RNGTT: variants seen among roughly 807,000 people sequenced by gnomAD.
RNGTT encodes RNA guanylyltransferase and 5'-phosphatase.
In RNGTT, 33 loss-of-function variants were observed where a neutral mutation model predicts 79.3. The observed-to-expected ratio is 0.42, with a 90% CI of 0.32 to 0.56. The LOEUF (loss-of-function observed/expected upper bound fraction) is 0.56, where lower values mean the gene tolerates loss of function less well. Ranked by LOEUF, RNGTT falls within the 20% of genes least tolerant of loss-of-function variation. The pLI is 0.17. For missense variants in RNGTT, 497 were observed against 739.1 expected, an observed-to-expected ratio of 0.67 and a Z score of 3.80; for synonymous variants, 222 against 235.9, an observed-to-expected ratio of 0.94 and a Z score of 0.54.
At chr6:88,853,828 A>G (rs1028915879) in intron 8 of RNGTT, 64 bp from the exon 9 acceptor site, 1 of 993,454 alleles carries the variant, frequency 1.0e-6, no homozygotes, top group African/African-American at 1.7e-5. Context: ...GTCATGAGAA[A>G]TAACATACTG....
At chr6:88,928,607 A>AAAATGAACTAC (rs1026874350) in intron 4 of RNGTT, among the ~76,000 whole-genome samples, 2 of 152,224 alleles carry the variant, frequency 1.3e-5, no homozygotes, top group African/African-American at 4.8e-5. Flanking sequence ...TATAGAAGCA[A>AAAATGAACTAC]AAATGAACTA....
At chr6:88,822,743 G>T (rs1411465082) in intron 11 of RNGTT, among the ~76,000 whole-genome samples, 1 of 152,118 alleles carries the variant, frequency 6.6e-6, no homozygotes, top group South Asian at 2.1e-4. Context: ...TAAAAAGAGT[G>T]AACATTGATA....
intron 13 of RNGTT, among the ~76,000 whole-genome samples, chr6:88,705,161 ATC>A (rs1776088542): frequency 1.3e-5 from 2 of 152,196 alleles, no homozygotes; most frequent in Non-Finnish European, 2.9e-5. Context: ...AGAGTCTCTT[ATC>A]AAAAGCTGTC....
At chr6:88,640,344 G>A (rs1773259545) in intron 14 of RNGTT, among the ~76,000 whole-genome samples, 2 of 146,374 alleles carry the variant, frequency 1.4e-5, no homozygotes, top group South Asian at 4.4e-4. Context: ...CAGCTCAGGA[G>A]TTTGAGACCA....
intron 8 of RNGTT, among the ~76,000 whole-genome samples, chr6:88,888,495 G>A (rs1782939613): frequency 6.6e-6 from 1 of 152,028 alleles, no homozygotes; most frequent in Non-Finnish European, 1.5e-5. Flanking sequence ...CACAGGGAAG[G>A]GTGCAGAATG....
intron 14 of RNGTT, 135 bp from the exon 15 acceptor site, chr6:88,614,530 AG>A: frequency 1.3e-6 from 1 of 781,894 alleles, no homozygotes; most frequent in Non-Finnish European, 2.1e-6. Flanking sequence ...TGTCATCTGA[AG>A]TATCTAATCA....
chr6:88,874,832 A>G (rs1782466671), intron 8 of RNGTT, among the ~76,000 whole-genome samples: 3 of 152,112 alleles, frequency 2.0e-5, no homozygotes, highest in African/African-American at 7.2e-5. Flanking sequence ...TTAAAAATCC[A>G]TCTATGAACA....
At chr6:88,919,707 C>CTTTTTTTTTTTTTT (rs5878082) in intron 4 of RNGTT, among the ~76,000 whole-genome samples, 1 of 58,480 alleles carries the variant, frequency 1.7e-5, no homozygotes, top group Non-Finnish European at 3.1e-5. Context: ...GTCAGTAGTT[C>CTTTTTTTTTTTTTT]TTTTTTTTTT....
intron 13 of RNGTT, among the ~76,000 whole-genome samples, chr6:88,683,193 T>C (rs551872207): frequency 1.3e-5 from 2 of 152,182 alleles, no homozygotes; most frequent in South Asian, 4.2e-4. Context: ...CTAAAAACTA[T>C]TCCTTCTAAG....
chr6:88,826,799 AAT>A lies in RNGTT; in HGVS notation c.1269+17556_1269+17557del, dbSNP rs1216141788. Among the ~76,000 whole-genome samples the A allele has an allele frequency of 7.1e-4, 90 of 126,922 alleles. 1 individual carries two copies. The highest frequency in any genetic ancestry group is 2.2e-3 in the African/African-American group (72 of 32,342). 83.3% of individuals were successfully genotyped at this position (126,922 alleles called of 152,430 possible). ...ACCCTGTCTCAAAAGAAAAAAAAAA[AAT>A]ATATATATATATATATGTGTGTGTA... On this transcript the variant is annotated intron_variant, in intron 11 of 15. Transcript: ENST00000369485.
chr6:88,811,204 T>C (rs1342392412), intron 11 of RNGTT, among the ~76,000 whole-genome samples: 1 of 152,222 alleles, frequency 6.6e-6, no homozygotes, highest in African/African-American at 2.4e-5. Flanking sequence ...CTTTTCAGAA[T>C]TACAATTTTC....
intron 13 of RNGTT, among the ~76,000 whole-genome samples, chr6:88,722,831 C>T (rs1420329308): frequency 6.6e-6 from 1 of 152,092 alleles, no homozygotes; most frequent in Non-Finnish European, 1.5e-5. Context: ...CTGAAAAATT[C>T]CTATCATCTA....
At chr6:88,942,017 G>T (rs73489905) in intron 1 of RNGTT, among the ~76,000 whole-genome samples, 1,540 of 151,962 alleles carry the variant, frequency 0.01, 21 homozygotes, top group African/African-American at 0.035. Flanking sequence ...ACGTTGTCAG[G>T]TCTCACTATG....
chr6:88,815,864 C>T (rs1365757801), intron 11 of RNGTT, among the ~76,000 whole-genome samples: 1 of 152,194 alleles, frequency 6.6e-6, no homozygotes, highest in Non-Finnish European at 1.5e-5. Context: ...GTAAACTAAA[C>T]ATGTTCTGCA....
chr6:88,897,566 A>G (rs1783293892), intron 6 of RNGTT, among the ~76,000 whole-genome samples: 1 of 152,172 alleles, frequency 6.6e-6, no homozygotes, highest in Non-Finnish European at 1.5e-5. Context: ...TTTTCTGACT[A>G]TGTCTGCATC....
At chr6:88,625,707 C>A (rs1772604057) in intron 14 of RNGTT, among the ~76,000 whole-genome samples, 1 of 151,044 alleles carries the variant, frequency 6.6e-6, no homozygotes, top group African/African-American at 2.4e-5. Context: ...GCTCAAACAC[C>A]AAAAGGAGTG....
intron 13 of RNGTT, among the ~76,000 whole-genome samples, chr6:88,719,856 C>T (rs1776649019): frequency 6.6e-6 from 1 of 152,172 alleles, no homozygotes; most frequent in Non-Finnish European, 1.5e-5. Flanking sequence ...TAACAGAATT[C>T]CTTGTCATCT....
At chr6:88,867,895 GA>G (rs1486210987) in intron 8 of RNGTT, among the ~76,000 whole-genome samples, 2 of 152,156 alleles carry the variant, frequency 1.3e-5, no homozygotes, top group African/African-American at 4.8e-5. Context: ...TAATTATACT[GA>G]AAATGGGAAA....
intron 12 of RNGTT, among the ~76,000 whole-genome samples, chr6:88,777,390 G>A (rs1459921143): frequency 6.6e-6 from 1 of 152,108 alleles, no homozygotes; most frequent in African/African-American, 2.4e-5. Flanking sequence ...AAATGTCATT[G>A]GTATTTGGAT....
Sources: allele counts gnomAD v4.1 joint callset (sites outside exome capture counted in the v4.1 genomes callset), GRCh38; gene constraint gnomAD v4.1.1; transcripts MANE v1.5; gene names NCBI Gene and HGNC (gene_info 2026-07-23, HGNC 2026-07-21).